Variants in DERA observed in about 807,000 individuals in gnomAD.
The protein encoded by DERA is deoxyribose-phosphate aldolase.
DERA carries 15 observed loss-of-function variants against 41.1 expected under a neutral mutation model. That is an observed-to-expected ratio of 0.37 (90% CI 0.24 to 0.56). DERA has a LOEUF of 0.56. DERA is among the 20% of genes least tolerant of loss of function. DERA has a pLI of 0.81. For missense variants in DERA, 396 were observed against 403.4 expected (o/e 0.98, Z 0.16); for synonymous variants, 139 against 137.4 (o/e 1.01, Z -0.08).
At chr12:15,926,706 C>A (rs544846436) in intron 1 of DERA, among the ~76,000 whole-genome samples, 94 of 147,360 alleles carry the variant, frequency 6.4e-4, no homozygotes, top group South Asian at 4.4e-3. Flanking sequence ...ACTGCACTCC[C>A]GCCTGGGGCG....
At chr12:16,031,856 A>C (rs960147654) in intron 6 of DERA, among the ~76,000 whole-genome samples, 14 of 152,144 alleles carry the variant, frequency 9.2e-5, no homozygotes, top group African/African-American at 3.4e-4. Flanking sequence ...AATACTTGTA[A>C]AGCATCTAGA....
chr12:16,031,258 G>T (rs1230594817), intron 6 of DERA, among the ~76,000 whole-genome samples: 1 of 152,204 alleles, frequency 6.6e-6, no homozygotes, highest in Admixed American at 6.5e-5. Flanking sequence ...ACATTGTATG[G>T]TTTTGAGGGC....
rs760488136 is a variant in DERA at position 15,982,899 on chromosome 12, A to G, written c.637+463A>G. On this transcript the variant is annotated intron_variant, in intron 6 of 8. Coordinates refer to ENST00000428559, the MANE Select transcript of DERA (RefSeq NM_015954.4). The surrounding 1 kb of genome is among the most constrained non-coding windows in gnomAD (Gnocchi z 4.0). ...ATCATTGATTTTTATACTTTCAAAT[A>G]TAAGTTGACTTATTCTTTATCTCTG... Among the ~76,000 whole-genome samples the G allele has an allele frequency of 3.3e-5, 5 of 152,224 alleles. 1 individual carries two copies.
rs1000853838 is a variant in DERA at position 16,020,396 on chromosome 12, C to G, written c.638-12146C>G. Among the ~76,000 whole-genome samples the G allele has an allele frequency of 2.6e-5, 4 of 152,272 alleles. No homozygotes were observed. Among genetic ancestry groups the G allele is most frequent in the Admixed American group, 6.5e-5 (1 of 15,302 alleles). On this transcript the variant is annotated intron_variant, in intron 6 of 8. Coordinates refer to ENST00000428559, the MANE Select transcript of DERA (RefSeq NM_015954.4). This position sits in a 1 kb window ranked among gnomAD's most constrained non-coding sequence, Gnocchi z 5.5. ...ACCCCCATGATCCAATCTCTTCCTA[C>G]CAGAGACACCTGAACATTGGGGTGG...
intron 6 of DERA, among the ~76,000 whole-genome samples, chr12:16,024,172 G>A (rs577616811): frequency 1.5e-3 from 221 of 152,270 alleles, no homozygotes; most frequent in African/African-American, 5.0e-3. Flanking sequence ...AGTTTCAAAA[G>A]GCATAACATA....
At chr12:15,929,891 A>G (rs1160377030) in intron 1 of DERA, among the ~76,000 whole-genome samples, 3 of 152,200 alleles carry the variant, frequency 2.0e-5, no homozygotes, top group African/African-American at 4.8e-5. Flanking sequence ...AAATAAATAT[A>G]TATGTTGGGA....
At chr12:15,962,625 T>C (rs1948595356) in intron 4 of DERA, 188 bp from the exon 5 acceptor site, 1 of 479,056 alleles carries the variant, frequency 2.1e-6, no homozygotes, top group Non-Finnish European at 3.7e-6. Context: ...TTCAATTTCT[T>C]CACACTTATG....
intron 1 of DERA, among the ~76,000 whole-genome samples, chr12:15,926,731 C>A (rs1252811315): frequency 7.9e-5 from 10 of 126,394 alleles, no homozygotes; most frequent in Admixed American, 1.8e-4. Context: ...AGCGAGACTC[C>A]GTCTCAAAAA....
intron 6 of DERA, among the ~76,000 whole-genome samples, chr12:15,987,231 T>A: frequency 1.1e-5 from 1 of 92,014 alleles, no homozygotes; most frequent in Non-Finnish European, 2.2e-5. Flanking sequence ...ATATATGTAC[T>A]TTTTTTTTTT....
Position 15,998,807 on chromosome 12 carries a change from A to C in DERA, c.637+16371A>C, listed in dbSNP as rs192429106. ...CATCCCCAAAGAAACAAGATTGTACATTGTTGTTTGGTGTCTAGGCCAGCC... is the reference window on the plus strand; with the variant it reads ...CATCCCCAAAGAAACAAGATTGTACCTTGTTGTTTGGTGTCTAGGCCAGCC... On this transcript the variant is annotated intron_variant, in intron 6 of 8. Transcript: ENST00000428559. The surrounding 1 kb of genome is among the most constrained non-coding windows in gnomAD (Gnocchi z 4.8). Among the ~76,000 whole-genome samples, 4 of 152,280 alleles carry C rather than the reference A, an allele frequency of 2.6e-5. No homozygotes were observed. In the East Asian group the frequency reaches 7.7e-4, roughly 29 times the overall value.
chr12:15,971,490 C>G (rs1948659327), intron 5 of DERA, among the ~76,000 whole-genome samples: 1 of 147,004 alleles, frequency 6.8e-6, no homozygotes, highest in Admixed American at 6.8e-5. Flanking sequence ...CTGAAGAGGC[C>G]ATCTTTATAT....
At chr12:15,939,269 C>A (rs1358790064) in intron 1 of DERA, among the ~76,000 whole-genome samples, 1 of 152,170 alleles carries the variant, frequency 6.6e-6, no homozygotes, top group Non-Finnish European at 1.5e-5. Flanking sequence ...CAGCCACCAT[C>A]TGAGTTTAGC....
chr12:15,964,703 T>C (rs913092602), intron 5 of DERA, among the ~76,000 whole-genome samples: 1 of 152,242 alleles, frequency 6.6e-6, no homozygotes, highest in African/African-American at 2.4e-5. Context: ...GTCCTTTATA[T>C]CTTAAGCAAT....
rs1341908895 is a variant in DERA, at chr12:15,924,191, G to C, written c.31+12777G>C. Among the ~76,000 whole-genome samples, 1 of 152,172 alleles carries C rather than the reference G, an allele frequency of 6.6e-6. No individual in the cohort carries two copies. The highest frequency in any genetic ancestry group is 1.9e-4 in the East Asian group (1 of 5,192). On this transcript the variant is annotated intron_variant, in intron 1 of 8. Coordinates refer to ENST00000428559, the MANE Select transcript of DERA (RefSeq NM_015954.4). This position sits in a 1 kb window ranked among gnomAD's most constrained non-coding sequence, Gnocchi z 5.0. ...GCCTGTAATCCTAACTCTTTGGGATGCTGCAGTGGGAGGATCGCTTGAGCC... is the reference window on the plus strand; with the variant it reads ...GCCTGTAATCCTAACTCTTTGGGATCCTGCAGTGGGAGGATCGCTTGAGCC...
intron 1 of DERA, among the ~76,000 whole-genome samples, chr12:15,955,803 A>T (rs1307597399): frequency 6.6e-6 from 1 of 152,258 alleles, no homozygotes; most frequent in African/African-American, 2.4e-5. Flanking sequence ...GTATTGTTAC[A>T]TGATACAGTA....
rs544735581 is a variant in DERA at position 15,921,888 on chromosome 12, T to C, written c.31+10474T>C. Among the ~76,000 whole-genome samples the C allele has an allele frequency of 3.3e-5, 5 of 152,078 alleles. No homozygotes were observed. Among genetic ancestry groups the C allele is most frequent in the African/African-American group, 1.2e-4 (5 of 41,482 alleles). On this transcript the variant is annotated intron_variant, in intron 1 of 8. Transcript: ENST00000428559. The surrounding 1 kb of genome is among the most constrained non-coding windows in gnomAD (Gnocchi z 5.3). ...TTGCAGTGAGCCGAGATCACGCCAT[T>C]GCACTCCAGCCTGGGTGACGAGCAA...
chr12:15,982,535 C>A lies in DERA; in HGVS notation c.637+99C>A. On this transcript the variant is annotated intron_variant, in intron 6 of 8. Coordinates refer to ENST00000428559, the MANE Select transcript of DERA (RefSeq NM_015954.4). This position sits in a 1 kb window ranked among gnomAD's most constrained non-coding sequence, Gnocchi z 4.0. ...TTTAGCTATTATTAAACGTGCTAAC[C>A]ACTTGGAATTTTTTTGCGGGAGGAA... 1 of 1,333,404 alleles carries A rather than the reference C, an allele frequency of 7.5e-7. No individual in the cohort carries two copies. The highest frequency in any genetic ancestry group is 2.6e-5 in the Admixed American group (1 of 38,750). 82.6% of individuals were successfully genotyped at this position (1,333,404 alleles called of 1,614,324 possible). A position where few individuals can be genotyped will look rare whatever the true frequency, so the allele number is the denominator to read the frequency against.
intron 5 of DERA, among the ~76,000 whole-genome samples, chr12:15,980,523 A>T (rs1241126086): frequency 6.6e-6 from 1 of 152,194 alleles, no homozygotes; most frequent in Non-Finnish European, 1.5e-5. Flanking sequence ...CATTCTCTGA[A>T]TTAAAAGAAT....
rs1948732928 is a variant in DERA, at chr12:15,981,539, T to C, written c.509-769T>C. ...CTTAAATAATTTTTTAAAGATTTAA[T>C]ACACATGATTTTGGTCTAATTTGCT... On this transcript the variant is annotated intron_variant, in intron 5 of 8. Transcript: ENST00000428559. This position sits in a 1 kb window ranked among gnomAD's most constrained non-coding sequence, Gnocchi z 6.1. 2.0e-5 allele frequency among the ~76,000 whole-genome samples: 3 copies of C among 152,236 alleles called. 1 individual carries two copies. In the South Asian group the frequency reaches 6.2e-4, roughly 31 times the overall value.
Sources: allele counts gnomAD v4.1 joint callset (sites outside exome capture counted in the v4.1 genomes callset), GRCh38; gene constraint gnomAD v4.1.1; non-coding constraint Gnocchi (gnomAD v3.1); transcripts MANE v1.5; gene names NCBI Gene and HGNC (gene_info 2026-07-23, HGNC 2026-07-21).